Variants in ALK observed in about 807,000 individuals in gnomAD.
The protein encoded by ALK is ALK tyrosine kinase receptor.
Under a neutral mutation model 163.1 loss-of-function variants are expected in ALK, and 74 were observed. The observed-to-expected ratio is 0.45, with a 90% CI of 0.38 to 0.55. The LOEUF is 0.55. Ranked by LOEUF, ALK falls within the 20% of genes least tolerant of loss-of-function variation. The pLI, the probability that ALK is intolerant of heterozygous loss-of-function variation, is 0.00. For missense variants in ALK, 2,063 were observed against 2,105.3 expected (o/e 0.98, Z 0.39); for synonymous variants, 960 against 843.2 (o/e 1.14, Z -2.40).
intron 2 of ALK, among the ~76,000 whole-genome samples, chr2:29,707,353 C>T (rs1156730471): frequency 6.6e-6 from 1 of 152,112 alleles, no homozygotes; most frequent in East Asian, 1.9e-4. Context: ...TGCCCGAGCA[C>T]AGACCTTCTA....
chr2:29,490,228 CCAG>C, intron 4 of ALK, among the ~76,000 whole-genome samples: 1 of 152,342 alleles, frequency 6.6e-6, no homozygotes, highest in East Asian at 1.9e-4. Context: ...CGCAAGCAGC[CCAG>C]CAGGGTCATA....
chr2:29,891,523 A>G (rs964773547), intron 1 of ALK, among the ~76,000 whole-genome samples: 2 of 152,238 alleles, frequency 1.3e-5, no homozygotes, highest in Non-Finnish European at 2.9e-5. Flanking sequence ...GTCATAGACC[A>G]TAGGAACTGC....
intron 11 of ALK, among the ~76,000 whole-genome samples, chr2:29,258,858 C>T (rs1665015624): frequency 6.6e-6 from 1 of 152,148 alleles, no homozygotes; most frequent in African/African-American, 2.4e-5. Context: ...ATTTTAAGTA[C>T]ATATTCTGGG....
At chr2:29,524,826 G>C (rs568421774) in intron 4 of ALK, among the ~76,000 whole-genome samples, 2 of 151,852 alleles carry the variant, frequency 1.3e-5, no homozygotes, top group Middle Eastern at 3.4e-3. Flanking sequence ...ATGGATGGAT[G>C]AATGGATGGA....
chr2:29,727,222 T>G (rs984615464), intron 1 of ALK, among the ~76,000 whole-genome samples: 1 of 152,186 alleles, frequency 6.6e-6, no homozygotes, highest in African/African-American at 2.4e-5. Context: ...GTCCTTGGCT[T>G]GTCCAAGGGA....
chr2:29,237,628 G>A (rs1664418887), intron 13 of ALK, among the ~76,000 whole-genome samples: 1 of 152,170 alleles, frequency 6.6e-6, no homozygotes, highest in South Asian at 2.1e-4. Flanking sequence ...AACAGGGATG[G>A]CATTAAGTAG....
chr2:29,838,792 C>A (rs887721056), intron 1 of ALK, among the ~76,000 whole-genome samples: 20 of 152,048 alleles, frequency 1.3e-4, no homozygotes, highest in Non-Finnish European at 2.5e-4. Context: ...GCATGAGGAA[C>A]CTTTCTGTGA....
intron 4 of ALK, among the ~76,000 whole-genome samples, chr2:29,505,957 C>T (rs1222121916): frequency 1.3e-5 from 2 of 152,194 alleles, no homozygotes; most frequent in African/African-American, 4.8e-5. Context: ...GCAGCAATCC[C>T]CCGAAATAAT....
At chr2:29,589,847 G>A (rs1674997138) in intron 3 of ALK, among the ~76,000 whole-genome samples, 1 of 152,230 alleles carries the variant, frequency 6.6e-6, no homozygotes, top group South Asian at 2.1e-4. Flanking sequence ...AGAATCAGCT[G>A]CCAAGGGAGT....
chr2:29,371,108 T>A (rs1558697942), intron 5 of ALK, among the ~76,000 whole-genome samples: 1 of 152,174 alleles, frequency 6.6e-6, no homozygotes, highest in Admixed American at 6.5e-5. Context: ...CCGAGACCAT[T>A]TGCTCTATGG....
At chr2:29,617,881 T>C (rs1332024516) in intron 3 of ALK, among the ~76,000 whole-genome samples, 1 of 152,140 alleles carries the variant, frequency 6.6e-6, no homozygotes, top group East Asian at 1.9e-4. Flanking sequence ...CAACAGACAG[T>C]GAAATTTTCT....
rs1666191929 is a variant in ALK, at chr2:29,296,743, A to ACGTG, written c.1817+141_1817+144dup. On this transcript the variant is annotated intron_variant, in intron 9 of 28. Coordinates refer to ENST00000389048, the MANE Select transcript of ALK (RefSeq NM_004304.5). ...GCAGAGTGTGTGTGTGTGTGTGTGC[A>ACGTG]CGTGCGTGCACGCGCACATATCGGT... 3.8e-6 allele frequency: 3 copies of ACGTG among 791,904 alleles called. No individual in the cohort carries two copies. The Admixed American group carries it at 6.7e-5, about 18-fold the overall frequency. 49.1% of individuals were successfully genotyped at this position (791,904 alleles called of 1,614,324 possible).
chr2:29,472,631 A>T (rs1159283336), intron 4 of ALK, among the ~76,000 whole-genome samples: 1 of 152,264 alleles, frequency 6.6e-6, no homozygotes, highest in African/African-American at 2.4e-5. Flanking sequence ...TTTGGAAAAA[A>T]AATAAAATGA....
intron 4 of ALK, among the ~76,000 whole-genome samples, chr2:29,387,495 A>C (rs2148304525): frequency 6.6e-6 from 1 of 152,256 alleles, no homozygotes; most frequent in Non-Finnish European, 1.5e-5. Context: ...AAAGCCACTG[A>C]ATTGGGAGCT....
At chr2:29,339,225 AG>A (rs1422239580) in intron 5 of ALK, among the ~76,000 whole-genome samples, 1 of 149,026 alleles carries the variant, frequency 6.7e-6, no homozygotes, top group Non-Finnish European at 1.5e-5. Context: ...CCTGGGTGAC[AG>A]GGCGAGACTC....
At chr2:29,620,370 T>C (rs977420159) in intron 3 of ALK, among the ~76,000 whole-genome samples, 3 of 152,148 alleles carry the variant, frequency 2.0e-5, no homozygotes, top group African/African-American at 7.2e-5. Flanking sequence ...CTTATAAGGA[T>C]CTACCTTCCT....
intron 3 of ALK, among the ~76,000 whole-genome samples, chr2:29,582,632 A>G (rs889756195): frequency 1.4e-4 from 21 of 152,218 alleles, no homozygotes; most frequent in African/African-American, 4.3e-4. Context: ...TTACCTGCAC[A>G]GTCATTCCGA....
At chr2:29,200,731 A>G (rs1212194671) in intron 26 of ALK, among the ~76,000 whole-genome samples, 5 of 144,182 alleles carry the variant, frequency 3.5e-5, no homozygotes, top group African/African-American at 7.6e-5. Context: ...GTATATATGT[A>G]TATATATACG....
At chr2:29,879,750 A>C (rs549874642) in intron 1 of ALK, among the ~76,000 whole-genome samples, 6 of 152,342 alleles carry the variant, frequency 3.9e-5, no homozygotes, top group Admixed American at 3.9e-4. Flanking sequence ...GAAAGGATGA[A>C]TGCTAGGTCA....
Sources: gnomAD v4.1 joint callset for allele counts (sites outside exome capture counted in the v4.1 genomes callset) on GRCh38, gnomAD v4.1.1 for gene constraint, MANE v1.5 for transcripts, NCBI Gene and HGNC (gene_info 2026-07-23, HGNC 2026-07-21) for gene names.